Variants in MYO16 observed in about 807,000 individuals in gnomAD.
MYO16 encodes myosin XVI, also known as unconventional myosin-XVI.
In MYO16, 94 loss-of-function variants were observed where a neutral mutation model predicts 205.3. That is an observed-to-expected ratio of 0.46 (90% CI 0.39 to 0.54). The LOEUF (loss-of-function observed/expected upper bound fraction) is 0.54, where lower values mean the gene tolerates loss of function less well. Among genes scored for constraint, MYO16 ranks in the 20% least tolerant of loss-of-function variants. MYO16 has a pLI of 0.00. For missense variants in MYO16, 2,315 were observed against 2,387.5 expected (o/e 0.97, Z 0.63); for synonymous variants, 988 against 954.0 (o/e 1.04, Z -0.66).
chr13:109,038,067 A>G (rs1429728525), intron 23 of MYO16, among the ~76,000 whole-genome samples: 1 of 152,236 alleles, frequency 6.6e-6, no homozygotes, highest in East Asian at 1.9e-4. Context: ...GGCAAAATGT[A>G]CATATTTCTG....
At chr13:108,858,533 T>G (rs1013338458) in intron 11 of MYO16, among the ~76,000 whole-genome samples, 3 of 152,230 alleles carry the variant, frequency 2.0e-5, no homozygotes, top group Admixed American at 2.0e-4. Context: ...ACCCCACATC[T>G]GATTTCCCTG....
intron 16 of MYO16, 121 bp from the exon 17 acceptor site, chr13:108,957,567 G>T: frequency 1.6e-6 from 1 of 632,320 alleles, no homozygotes; most frequent in East Asian, 2.8e-5. Flanking sequence ...AAAACACGTG[G>T]GGACACCATG....
intron 5 of MYO16, among the ~76,000 whole-genome samples, chr13:108,790,130 G>A (rs145275608): frequency 1.3e-5 from 2 of 152,180 alleles, no homozygotes; most frequent in African/African-American, 4.8e-5. Flanking sequence ...CCCACAACTC[G>A]GGAGAGCGCG....
At chr13:109,012,064 A>G (rs1002454876) in intron 22 of MYO16, among the ~76,000 whole-genome samples, 1 of 152,198 alleles carries the variant, frequency 6.6e-6, no homozygotes, top group Non-Finnish European at 1.5e-5. Flanking sequence ...CGATTAAGAT[A>G]TATTAGGGAT....
chr13:109,156,192 C>T (rs1037372473), intron 32 of MYO16, among the ~76,000 whole-genome samples: 1 of 152,160 alleles, frequency 6.6e-6, no homozygotes, highest in Admixed American at 6.5e-5. Context: ...AATTTCAGGT[C>T]GAAGTGCTTG....
At chr13:108,580,559 G>A in the MYO16 span, among the ~76,000 whole-genome samples, 17 of 152,070 alleles carry the variant, frequency 1.1e-4, no homozygotes, top group East Asian at 2.7e-3. Flanking sequence ...ACATATACAC[G>A]TTTGTTCCTA....
intron 8 of MYO16, among the ~76,000 whole-genome samples, chr13:108,821,832 A>G (rs1875988655): frequency 6.6e-6 from 1 of 152,226 alleles, no homozygotes; most frequent in Non-Finnish European, 1.5e-5. Context: ...CACATTGGTC[A>G]TGCAAAGTCG....
chr13:109,113,528 T>G (rs1875516088), intron 28 of MYO16, among the ~76,000 whole-genome samples: 1 of 152,188 alleles, frequency 6.6e-6, no homozygotes, highest in African/African-American at 2.4e-5. Flanking sequence ...GAATATAGTT[T>G]AAAAAATGGA....
At chr13:109,085,434 G>A (rs1449782954) in intron 27 of MYO16, among the ~76,000 whole-genome samples, 2 of 152,206 alleles carry the variant, frequency 1.3e-5, no homozygotes, top group African/African-American at 4.8e-5. Context: ...AGGTCTGCAG[G>A]TAGGGAGGCG....
At chr13:108,588,208 C>T in the MYO16 span, among the ~76,000 whole-genome samples, 1 of 152,152 alleles carries the variant, frequency 6.6e-6, no homozygotes, top group Non-Finnish European at 1.5e-5. Flanking sequence ...TAAATGCAAT[C>T]TACTGGTATT....
intron 27 of MYO16, among the ~76,000 whole-genome samples, chr13:109,066,252 A>G (rs1043674786): frequency 6.6e-6 from 1 of 152,226 alleles, no homozygotes; most frequent in Non-Finnish European, 1.5e-5. Context: ...GCCTTGTTAC[A>G]TGTTGGAGAT....
At chr13:109,098,033 T>A (rs1471528523) in intron 27 of MYO16, among the ~76,000 whole-genome samples, 1 of 16,128 alleles carries the variant, frequency 6.2e-5, no homozygotes. Flanking sequence ...CCATAGACTG[T>A]GTGGCTCATG....
At chr13:108,505,593 G>T in the MYO16 span, among the ~76,000 whole-genome samples, 5 of 152,020 alleles carry the variant, frequency 3.3e-5, 1 homozygote, top group Middle Eastern at 0.01. Context: ...TCAGATATAT[G>T]GTTTGAAAAT....
chr13:108,675,792 T>C (rs1882178060), intron 2 of MYO16, among the ~76,000 whole-genome samples: 1 of 152,218 alleles, frequency 6.6e-6, no homozygotes, highest in African/African-American at 2.4e-5. Context: ...AACATCATGA[T>C]AGAAGCAGCA....
chr13:109,046,923 A>G lies in MYO16; in HGVS notation c.2804A>G (p.Tyr935Cys). The change falls in exon 24 of 35, where the codon TAT (tyrosine) becomes TGT (cysteine). Residue 935 changes from tyrosine (Y) to cysteine (C), a missense_variant. By Grantham distance (194) the Tyr-to-Cys change is radical (BLOSUM62 -2). Around this residue, in one of 3 missense-constraint regions of MYO16, gnomAD observed 1,213 missense variants for 1,274.4 expected, o/e 0.95. Transcript: ENST00000457511. ...TGCTTTCTTTTATTCTAGGTAATGT[A>G]TGATGTTGTTGGGGCGATTGAAAAA... ...TIMHYAGRVM[Y>C]DVVGAIEKNK... 1 of 1,605,810 alleles carries G rather than the reference A, an allele frequency of 6.2e-7. No individual in the cohort carries two copies. The highest frequency in any genetic ancestry group is 8.5e-7 in the Non-Finnish European group (1 of 1,172,696).
chr13:108,915,160 T>C (rs912255164), intron 16 of MYO16, among the ~76,000 whole-genome samples: 1 of 152,216 alleles, frequency 6.6e-6, no homozygotes, highest in Non-Finnish European at 1.5e-5. Context: ...GATACAGATA[T>C]AGACATCACC....
At chr13:109,042,994 C>G (rs1886929182) in intron 23 of MYO16, among the ~76,000 whole-genome samples, 1 of 152,148 alleles carries the variant, frequency 6.6e-6, no homozygotes, top group African/African-American at 2.4e-5. Flanking sequence ...AGTTTTTTTA[C>G]TTTAGTTTGA....
At chr13:109,115,353 C>G (rs956151822) in intron 28 of MYO16, among the ~76,000 whole-genome samples, 6 of 144,356 alleles carry the variant, frequency 4.2e-5, no homozygotes, top group African/African-American at 1.3e-4. Flanking sequence ...TGTCACCTAA[C>G]AAGAAAAAAA....
intron 11 of MYO16, among the ~76,000 whole-genome samples, chr13:108,857,403 G>C (rs1446539361): frequency 2.0e-5 from 3 of 152,156 alleles, no homozygotes; most frequent in Non-Finnish European, 4.4e-5. Flanking sequence ...GTGTTCTAAC[G>C]TACCTTCTCC....
Sources: allele counts gnomAD v4.1 joint callset (sites outside exome capture counted in the v4.1 genomes callset), GRCh38; gene constraint gnomAD v4.1.1; regional missense constraint gnomAD v4.1.1; transcripts MANE v1.5; gene names NCBI Gene and HGNC (gene_info 2026-07-23, HGNC 2026-07-21).